Variants in GMCL1 observed in about 807,000 individuals in gnomAD.
The protein encoded by GMCL1 is germ cell-less protein-like 1.
GMCL1 carries 54 observed loss-of-function variants against 75.5 expected under a neutral mutation model. The ratio of observed to expected loss-of-function variants is 0.71; its 90% CI spans 0.57 to 0.90. GMCL1 has a LOEUF of 0.90. GMCL1 is among the 40% of genes least tolerant of loss of function. The pLI is 0.00. For synonymous variants in GMCL1, 210 were observed against 209.6 expected (o/e 1.00, Z -0.02); for missense variants, 537 against 622.7 (o/e 0.86, Z 1.47).
In GMCL1 at chr2:69,855,374, ATG is replaced by A. The variant is rs1478534074; in HGVS notation, c.1072+418_1072+419del. Reference sequence around the variant, plus strand: ...AGTCTTAAACTTCATGTTGAAGCAAATGTGTCTTTGCTAATTATAATTTAAAT... The same window carrying A: ...AGTCTTAAACTTCATGTTGAAGCAAATGTCTTTGCTAATTATAATTTAAAT... On this transcript the variant is annotated intron_variant, in intron 9 of 13. Transcript: ENST00000282570. 4.6e-5 allele frequency among the ~76,000 whole-genome samples: 7 copies of A among 151,976 alleles called. No individual in the cohort carries two copies. In the East Asian group the frequency reaches 9.7e-4, roughly 21 times the overall value.
intron 8 of GMCL1, among the ~76,000 whole-genome samples, chr2:69,854,547 C>T (rs1352706012): frequency 3.3e-5 from 5 of 152,144 alleles, no homozygotes; most frequent in African/African-American, 4.8e-5. Flanking sequence ...GCCTTCCTTT[C>T]CCAACTTGCT....
chr2:69,872,813 G>A (rs1175302603), intron 13 of GMCL1, among the ~76,000 whole-genome samples: 1 of 152,168 alleles, frequency 6.6e-6, no homozygotes, highest in Non-Finnish European at 1.5e-5. Flanking sequence ...AACAGACAAT[G>A]ACTATCTTTA....
At chr2:69,852,956 G>A (rs1235176318) in intron 8 of GMCL1, among the ~76,000 whole-genome samples, 1 of 152,178 alleles carries the variant, frequency 6.6e-6, no homozygotes, top group Admixed American at 6.5e-5. Context: ...TTATACTTAA[G>A]GATTGCTATT....
intron 4 of GMCL1, among the ~76,000 whole-genome samples, chr2:69,841,849 A>G (rs1380431564): frequency 6.6e-6 from 1 of 152,200 alleles, no homozygotes; most frequent in Non-Finnish European, 1.5e-5. Flanking sequence ...GAACAGAGTA[A>G]ACTAAGATCT....
chr2:69,852,543 TC>T (rs1172675777), intron 8 of GMCL1, among the ~76,000 whole-genome samples: 9 of 137,146 alleles, frequency 6.6e-5, no homozygotes, highest in African/African-American at 2.8e-4. Flanking sequence ...TGTCTGTCTG[TC>T]TTTTTTTTTT....
intron 13 of GMCL1, among the ~76,000 whole-genome samples, chr2:69,872,796 G>T (rs1315553586): frequency 6.6e-6 from 1 of 152,150 alleles, no homozygotes; most frequent in African/African-American, 2.4e-5. Context: ...TGTAACCTCT[G>T]CAGCTGAACA....
rs1225068297 is a variant in GMCL1, at chr2:69,880,291, C to T, written c.*1287C>T. The T allele has an allele frequency of 2.0e-5, 3 of 152,012 alleles. No individual in the cohort carries two copies. 9.4% of individuals were successfully genotyped at this position (152,012 alleles called of 1,614,324 possible). On this transcript the variant is annotated 3_prime_UTR_variant, in exon 14 of 14. Coordinates refer to ENST00000282570, the MANE Select transcript of GMCL1 (RefSeq NM_178439.5). Reference sequence around the variant, plus strand: ...TCTTACATAAAATGGACCAAAAAATCCCCCTTAATTGAAACCAAAATTTTT... The same window carrying T: ...TCTTACATAAAATGGACCAAAAAATTCCCCTTAATTGAAACCAAAATTTTT...
intron 10 of GMCL1, 65 bp downstream of exon 10, chr2:69,861,412 AT>A: frequency 1.0e-6 from 1 of 960,102 alleles, no homozygotes. Context: ...TAATGCATTC[AT>A]TATGTTGAAA....
At chr2:69,864,528 A>G (rs1032097229) in intron 10 of GMCL1, among the ~76,000 whole-genome samples, 2 of 151,520 alleles carry the variant, frequency 1.3e-5, no homozygotes, top group Admixed American at 6.6e-5. Context: ...GGTGATATCA[A>G]GTCACATCTT....
At chr2:69,862,631 T>G (rs181334831) in intron 10 of GMCL1, among the ~76,000 whole-genome samples, 1 of 151,942 alleles carries the variant, frequency 6.6e-6, no homozygotes, top group Non-Finnish European at 1.5e-5. Flanking sequence ...TGGTAGCGCA[T>G]GCCTGTAATC....
At chr2:69,859,306 G>A (rs1360781640) in intron 9 of GMCL1, among the ~76,000 whole-genome samples, 7 of 151,330 alleles carry the variant, frequency 4.6e-5, no homozygotes, top group South Asian at 2.1e-4. Flanking sequence ...ATTTTAATAG[G>A]TAGGGATCAG....
chr2:69,869,186 T>TTG (rs1675911060), intron 11 of GMCL1, among the ~76,000 whole-genome samples: 1 of 149,016 alleles, frequency 6.7e-6, no homozygotes, highest in Admixed American at 6.7e-5. Flanking sequence ...GAGGTGGAGG[T>TTG]TGTGGTGAGC....
intron 12 of GMCL1, 89 bp downstream of exon 12, chr2:69,869,953 A>G: frequency 7.4e-7 from 1 of 1,348,164 alleles, no homozygotes; most frequent in South Asian, 1.4e-5. Context: ...ACATTAGTAG[A>G]ACTTTGGTAA....
intron 8 of GMCL1, among the ~76,000 whole-genome samples, chr2:69,851,127 C>G (rs561329243): frequency 6.6e-6 from 1 of 152,298 alleles, no homozygotes; most frequent in South Asian, 2.1e-4. Flanking sequence ...TGTAGGTTAT[C>G]TTTTTAATTT....
At chr2:69,831,589 A>C (rs559409397) in intron 1 of GMCL1, among the ~76,000 whole-genome samples, 1 of 150,510 alleles carries the variant, frequency 6.6e-6, no homozygotes, top group East Asian at 2.0e-4. Context: ...AGTGTAGCAT[A>C]GTTTTTTTTT....
intron 10 of GMCL1, among the ~76,000 whole-genome samples, chr2:69,863,929 C>G (rs1675731413): frequency 6.6e-6 from 1 of 151,942 alleles, no homozygotes; most frequent in African/African-American, 2.4e-5. Flanking sequence ...ATACTCTTAC[C>G]CCTCCATAGA....
At chr2:69,842,447 G>T (rs1022784207) in intron 4 of GMCL1, among the ~76,000 whole-genome samples, 1 of 152,068 alleles carries the variant, frequency 6.6e-6, no homozygotes, top group Non-Finnish European at 1.5e-5. Context: ...CTTCCAATAA[G>T]TATACTTTAT....
intron 1 of GMCL1, among the ~76,000 whole-genome samples, chr2:69,836,832 G>A (rs1191113619): frequency 1.3e-5 from 2 of 152,154 alleles, no homozygotes; most frequent in East Asian, 3.8e-4. Flanking sequence ...AATAGGTGAT[G>A]CTGCTCTGGT....
intron 1 of GMCL1, among the ~76,000 whole-genome samples, chr2:69,833,555 G>A (rs1207955880): frequency 6.6e-6 from 1 of 152,208 alleles, no homozygotes; most frequent in South Asian, 2.1e-4. Context: ...GGCGGAGGTT[G>A]TAGTGAGCCA....
Sources: gnomAD v4.1 joint callset for allele counts (sites outside exome capture counted in the v4.1 genomes callset) on GRCh38, gnomAD v4.1.1 for gene constraint, MANE v1.5 for transcripts, NCBI Gene and HGNC (gene_info 2026-07-23, HGNC 2026-07-21) for gene names.